NBEAL2: variants seen among roughly 807,000 people sequenced by gnomAD.
NBEAL2 encodes neurobeachin-like protein 2.
A neutral mutation model predicts 299.8 loss-of-function variants in NBEAL2; 160 were observed. The ratio of observed to expected loss-of-function variants is 0.53; its 90% CI spans 0.47 to 0.61. The LOEUF (loss-of-function observed/expected upper bound fraction) is 0.61. NBEAL2 is among the 20% of genes least tolerant of loss of function. NBEAL2 has a pLI of 0.00. For synonymous variants in NBEAL2, 1,493 were observed against 1,542.3 expected, an observed-to-expected ratio of 0.97 and a Z score of 0.75; for missense variants, 3,112 against 3,649.0, an observed-to-expected ratio of 0.85 and a Z score of 3.79.
Position 47,007,143 on chromosome 3 carries a change from C to T in NBEAL2, c.7212C>T (p.Ser2404=). Residue 2404 remains serine (S), a synonymous_variant, in exon 46 of 54, where the codon TCC becomes TCT. Coordinates refer to ENST00000450053, the MANE Select transcript of NBEAL2 (RefSeq NM_015175.3). ...CCCACTCCTTCATCACCCAGGGTTC[C>T]CCAGACCTGTTGGTAAGTGCATTGT... ...RQPHSFITQG[S]PDLLVTVSAS... 1 of 1,613,744 alleles carries T rather than the reference C, an allele frequency of 6.2e-7. No individual in the cohort carries two copies. Among genetic ancestry groups the T allele is most frequent in the Non-Finnish European group, 8.5e-7 (1 of 1,179,810 alleles).
At position 46,998,144 on chromosome 3, in the gene NBEAL2, C is replaced by T. The variant is rs139218926; in HGVS notation, c.3036C>T (p.Ser1012=). ...LLMEQVAAEG[S]GPLLYLLYQH... ...TGGAGCAGGTGGCAGCTGAGGGCAGCGGGCCCCTCCTGTACCTACTCTACC... is the reference window on the plus strand; with the variant it reads ...TGGAGCAGGTGGCAGCTGAGGGCAGTGGGCCCCTCCTGTACCTACTCTACC... Residue 1012 remains serine (S), a synonymous_variant, in exon 21 of 54, where the codon AGC becomes AGT. Transcript: ENST00000450053. The T allele has an allele frequency of 3.5e-3, 5,662 of 1,599,060 alleles. 38 individuals are homozygous for T. The highest frequency in any genetic ancestry group is 3.0e-3 in the Non-Finnish European group (3,557 of 1,172,910).
chr3:47,009,406 G>T lies in NBEAL2; in HGVS notation c.*86G>T. The T allele has an allele frequency of 7.7e-7, 1 of 1,301,384 alleles. No homozygotes were observed. The highest frequency in any genetic ancestry group is 1.3e-5 in the South Asian group (1 of 75,018). 80.6% of individuals were successfully genotyped at this position (1,301,384 alleles called of 1,614,324 possible). On this transcript the variant is annotated 3_prime_UTR_variant, in exon 54 of 54. Transcript: ENST00000450053. The stretch of plus-strand genomic sequence containing the variant: ...CCAGAAGTCGGCGGGAACACCCCGG[G>T]GTGGGCAGCCCAGGGGGGTGAGCGG...
chr3:47,005,442 T>C, intron 40 of NBEAL2, 47 bp from the exon 41 acceptor site: 2 of 1,596,266 alleles, frequency 1.3e-6, no homozygotes, highest in Non-Finnish European at 1.7e-6. Context: ...TCTCCCTCCC[T>C]GTCTCCATTC....
At chr3:46,980,007 G>A in intron 1 of NBEAL2, 95 bp downstream of exon 1, 1 of 80,540 alleles carries the variant, frequency 1.2e-5, no homozygotes, top group Non-Finnish European at 2.5e-5. Context: ...CGCGCCGCTG[G>A]GGCCGCGTAG....
At position 46,999,408 on chromosome 3, in the gene NBEAL2, T is replaced by C; in HGVS notation, c.3637T>C (p.Cys1213Arg). 6.3e-7 allele frequency: 1 copy of C among 1,598,080 alleles called. No homozygotes were observed. ...GTGTGGTCTCCAGGGTCTGGTTGCCTGCTTGCCTGAGGGGACTGTTTCCCC... is the reference window on the plus strand; with the variant it reads ...GTGTGGTCTCCAGGGTCTGGTTGCCCGCTTGCCTGAGGGGACTGTTTCCCC... Reference protein sequence around the residue: ...RECGLQGLVACLPEGTVSPQL... With the variant: ...RECGLQGLVARLPEGTVSPQL... Residue 1213 changes from cysteine (C) to arginine (R), a missense_variant, in exon 25 of 54, where the codon TGC (cysteine) becomes CGC (arginine). Transcript: ENST00000450053.
In NBEAL2 at chr3:46,991,377, C is replaced by T. The variant is rs2036072945; in HGVS notation, c.643-29C>T. 3.1e-6 allele frequency: 5 copies of T among 1,587,972 alleles called. No homozygotes were observed. The African/African-American group carries it at 6.7e-5, about 21-fold the overall frequency. ...TCTCTCTGCTGGGTGAGCCCCTTGCCCACTGCCCATCTCTGTCCACACCTG... is the reference window on the plus strand; with the variant it reads ...TCTCTCTGCTGGGTGAGCCCCTTGCTCACTGCCCATCTCTGTCCACACCTG... On this transcript the variant is annotated intron_variant, in intron 7 of 53. Transcript: ENST00000450053. This position sits in a 1 kb window ranked among gnomAD's most constrained non-coding sequence, Gnocchi z 6.2.
chr3:47,005,538 G>A lies in NBEAL2; in HGVS notation c.6610G>A (p.Ala2204Thr), dbSNP rs1296452550. The stretch of plus-strand genomic sequence containing the variant: ...CCACTCGGTGGCGGCAGCCTGGCAG[G>A]CACGCCTGGAGAGCCCTGCCGATGT... The part of the protein sequence containing the change: ...QFHSVAAAWQ[A>T]RLESPADVKE... Residue 2204 changes from alanine (A) to threonine (T), a missense_variant, in exon 41 of 54, where the codon GCA becomes ACA. Ala to Thr is a moderately conservative substitution (Grantham distance 58). This residue lies in a region of NBEAL2 where 521 missense variants were observed against 729.6 expected (regional missense o/e 0.71). Coordinates refer to ENST00000450053, the MANE Select transcript of NBEAL2 (RefSeq NM_015175.3). 1.9e-6 allele frequency: 3 copies of A among 1,611,178 alleles called. No individual in the cohort carries two copies. The highest frequency in any genetic ancestry group is 2.2e-5 in the East Asian group (1 of 44,806).
intron 1 of NBEAL2, among the ~76,000 whole-genome samples, chr3:46,983,182 C>G (rs997581467): frequency 9.9e-5 from 15 of 152,112 alleles, no homozygotes; most frequent in African/African-American, 3.1e-4. Context: ...GAGGTTAGGT[C>G]AGGCTGGAGG....
intron 33 of NBEAL2, 31 bp from the exon 34 acceptor site, chr3:47,002,926 A>G (rs745376998): frequency 3.1e-6 from 5 of 1,609,670 alleles, no homozygotes; most frequent in African/African-American, 2.7e-5. Context: ...ACAGCCTTCT[A>G]CCGACCCATG....
Position 46,997,010 on chromosome 3 carries a change from C to A in NBEAL2, c.2613C>A (p.Arg871=). The A allele has an allele frequency of 6.2e-7, 1 of 1,613,372 alleles. No individual in the cohort carries two copies. The highest frequency in any genetic ancestry group is 1.1e-5 in the South Asian group (1 of 91,086). Reference sequence around the variant, plus strand: ...CCCCCAGTCATGGGCTTGATGGGCGCCTGACGGGCCACAGAGTGGAGACCT... The same window carrying A: ...CCCCCAGTCATGGGCTTGATGGGCGACTGACGGGCCACAGAGTGGAGACCT... ...DLSPSHGLDG[R]LTGHRVETWD... is the part of the protein sequence containing the mutation. Residue 871 remains arginine, a synonymous_variant, in exon 18 of 54, where the codon CGC becomes CGA. Transcript: ENST00000450053.
At chr3:46,985,917 A>C (rs1374383596) in intron 1 of NBEAL2, among the ~76,000 whole-genome samples, 1 of 152,150 alleles carries the variant, frequency 6.6e-6, no homozygotes. Context: ...CTGGACCCTC[A>C]CATGCAGCAC....
intron 12 of NBEAL2, 24 bp from the exon 13 acceptor site, chr3:46,995,008 G>T (rs2036377226): frequency 2.0e-6 from 3 of 1,520,314 alleles, no homozygotes; most frequent in South Asian, 2.5e-5. Flanking sequence ...GCTGACCAGG[G>T]ACTGTCATTC....
rs768420300 is a variant in NBEAL2 at position 46,991,593 on chromosome 3, T to A, written c.830T>A (p.Leu277His). 6.2e-7 allele frequency: 1 copy of A among 1,601,338 alleles called. No homozygotes were observed. The highest frequency in any genetic ancestry group is 1.1e-5 in the South Asian group (1 of 91,080). Residue 277 changes from leucine to histidine, a missense_variant, in exon 8 of 54, where the codon CTT becomes CAT. Leu to His is a moderately conservative substitution (Grantham distance 99). Transcript: ENST00000450053. The surrounding 1 kb of genome is among the most constrained non-coding windows in gnomAD (Gnocchi z 6.2). The stretch of plus-strand genomic sequence containing the variant: ...CGTGGCCCAGAGCTTCGTGCCCTGC[T>A]TGAGAGCTACTTCCATGTCCTTAAT... ...PPRGPELRAL[L>H]ESYFHVLNAD... is the part of the protein sequence containing the mutation.
chr3:47,007,737 G>A (rs2037561966), intron 48 of NBEAL2, 40 bp downstream of exon 48: 7 of 1,609,394 alleles, frequency 4.3e-6, no homozygotes, highest in South Asian at 1.1e-5. Context: ...GAGGCACACA[G>A]GTATGGGGCC....
Position 47,009,584 on chromosome 3 carries a change from G to T in NBEAL2, c.*264G>T. ...CAGCACTTTTTGCACAGTCTGGGGC[G>T]GGGTTCCCCGGCTTCCAAGTCGCTG... On this transcript the variant is annotated 3_prime_UTR_variant, in exon 54 of 54. Transcript: ENST00000450053. The T allele has an allele frequency of 2.1e-6, 1 of 487,560 alleles. No individual in the cohort carries two copies. 30.2% of individuals were successfully genotyped at this position (487,560 alleles called of 1,614,324 possible).
chr3:47,009,314 G>C lies in NBEAL2; in HGVS notation c.8259G>C (p.Ala2753=), dbSNP rs758929991. The stretch of plus-strand genomic sequence containing the variant: ...AGACGGAATACAACCCTACTGAGGC[G>C]CGCTGAACCTGGCCAGTCCGGCTGC... ...SGETEYNPTE[A]R Residue 2753 remains alanine (A), a synonymous_variant, in exon 54 of 54, where the codon GCG becomes GCC. Transcript: ENST00000450053. 2.5e-6 allele frequency: 4 copies of C among 1,592,550 alleles called. No homozygotes were observed. Among genetic ancestry groups the C allele is most frequent in the East Asian group, 4.6e-5 (2 of 43,660 alleles).
chr3:46,998,979 G>C lies in NBEAL2; in HGVS notation c.3405G>C (p.Leu1135=). ...DDGQAVGALD[L]LLALLHGSLV... ...CCCAGGCGGTGGGTGCGCTGGACCT[G>C]CTGCTGGCCCTGCTGCACGGTTCCC... Residue 1135 remains leucine (L), a synonymous_variant, in exon 24 of 54, where the codon CTG becomes CTC. Coordinates refer to ENST00000450053, the MANE Select transcript of NBEAL2 (RefSeq NM_015175.3). The C allele has an allele frequency of 1.9e-6, 3 of 1,607,648 alleles. No homozygotes were observed. Among genetic ancestry groups the C allele is most frequent in the Non-Finnish European group, 2.5e-6 (3 of 1,177,314 alleles).
In NBEAL2 at chr3:46,980,695, G is replaced by C. The variant is rs555088350; in HGVS notation, c.51+783G>C. On this transcript the variant is annotated intron_variant, in intron 1 of 53. Transcript: ENST00000450053. ...ACTTCAGGTGGAGTCAGAAGGTGAG[G>C]GGAGTGACTCAGACGTGGGTGTCCC... Among the ~76,000 whole-genome samples, 34 of 152,268 alleles carry C rather than the reference G, an allele frequency of 2.2e-4. 1 individual carries two copies. Among genetic ancestry groups the C allele is most frequent in the African/African-American group, 7.0e-4 (29 of 41,556 alleles).
rs770917376 is a variant in NBEAL2, at chr3:47,005,501, C to T, written c.6573C>T (p.Ser2191=). ...GCCCCTCCCCCAGCTTTGACTGCTC[C>T]GACCGGCAGTTCCACTCGGTGGCGG... ...VQLQSGRFDC[S]DRQFHSVAAA... Residue 2191 remains serine (S), a synonymous_variant, in exon 41 of 54, where the codon TCC becomes TCT. Coordinates refer to ENST00000450053, the MANE Select transcript of NBEAL2 (RefSeq NM_015175.3). 2.6e-5 allele frequency: 42 copies of T among 1,611,534 alleles called. No homozygotes were observed. Among genetic ancestry groups the T allele is most frequent in the South Asian group, 1.4e-4 (13 of 90,524 alleles).
Sources: gnomAD v4.1 joint callset for allele counts (sites outside exome capture counted in the v4.1 genomes callset) on GRCh38, gnomAD v4.1.1 for gene constraint, gnomAD v4.1.1 regional missense constraint, Gnocchi (gnomAD v3.1) non-coding constraint, MANE v1.5 for transcripts, NCBI Gene and HGNC (gene_info 2026-07-23, HGNC 2026-07-21) for gene names.